The following DPYS variants were observed in gnomAD, a reference collection of about 807,000 sequenced individuals.
The protein encoded by DPYS is dihydropyrimidine amidohydrolase.
DPYS carries 39 observed loss-of-function variants against 50.3 expected under a neutral mutation model. The ratio of observed to expected loss-of-function variants is 0.78; its 90% CI spans 0.60 to 1.01. The LOEUF is 1.01. Among genes scored for constraint, DPYS ranks in the 50% least tolerant of loss-of-function variants. The pLI is 0.00. For missense variants in DPYS, 659 were observed against 680.9 expected, an observed-to-expected ratio of 0.97 and a Z score of 0.36; for synonymous variants, 245 against 250.7, an observed-to-expected ratio of 0.98 and a Z score of 0.22.
intron 7 of DPYS, among the ~76,000 whole-genome samples, chr8:104,407,103 C>T (rs1450932900): frequency 6.6e-6 from 1 of 152,220 alleles, no homozygotes; most frequent in Non-Finnish European, 1.5e-5. Flanking sequence ...CTACTAAACC[C>T]TATGTGAGAA....
chr8:104,428,409 C>T (rs2280010), intron 5 of DPYS, among the ~76,000 whole-genome samples: 29,300 of 152,162 alleles, frequency 0.19, 3,385 homozygotes, highest in South Asian at 0.3. Flanking sequence ...TGAGCTTGTC[C>T]GAGACTCCAT....
At chr8:104,391,501 C>T (rs934777164) in intron 8 of DPYS, among the ~76,000 whole-genome samples, 26 of 152,276 alleles carry the variant, frequency 1.7e-4, no homozygotes, top group African/African-American at 4.8e-4. Flanking sequence ...GCCTCCCCGG[C>T]CCCCATATCC....
At position 104,448,075 on chromosome 8, in the gene DPYS, G is replaced by T. The variant is rs1813601441; in HGVS notation, c.424-572C>A. ...AGGTGACAGCTGGAGACTCCACTCT[G>T]GATCCGTTGGAAGCTCAGAGGCCTT... On this transcript the variant is annotated intron_variant, in intron 2 of 9. Coordinates refer to ENST00000351513, the MANE Select transcript of DPYS (RefSeq NM_001385.3). 2.6e-5 allele frequency among the ~76,000 whole-genome samples: 4 copies of T among 152,308 alleles called. No individual in the cohort carries two copies. In the South Asian group the frequency reaches 8.3e-4, roughly 32 times the overall value.
At position 104,451,442 on chromosome 8, in the gene DPYS, A is replaced by G. The variant is rs1422317395; in HGVS notation, c.265-38T>C. 1.1e-5 allele frequency: 17 copies of G among 1,612,712 alleles called. No individual in the cohort carries two copies. The Admixed American group carries it at 2.8e-4, about 27-fold the overall frequency. On this transcript the variant is annotated intron_variant, in intron 1 of 9. Coordinates refer to ENST00000351513, the MANE Select transcript of DPYS (RefSeq NM_001385.3). ...GAGGTTTTCAACAAATTAGCTATCA[A>G]TTTCCTAGTTAAGTCATTTATCATC...
intron 1 of DPYS, among the ~76,000 whole-genome samples, chr8:104,453,165 C>T (rs758969251): frequency 6.6e-6 from 1 of 152,100 alleles, no homozygotes; most frequent in Non-Finnish European, 1.5e-5. Flanking sequence ...ACTTACTTGG[C>T]CCCACTCCAA....
At chr8:104,412,103 T>C (rs1195313182) in intron 7 of DPYS, among the ~76,000 whole-genome samples, 1 of 152,186 alleles carries the variant, frequency 6.6e-6, no homozygotes, top group Non-Finnish European at 1.5e-5. Flanking sequence ...GTTCTGCAGG[T>C]ACATGAAATC....
chr8:104,444,544 G>C, intron 3 of DPYS, 107 bp from the exon 4 acceptor site: 2 of 1,225,776 alleles, frequency 1.6e-6, no homozygotes, highest in Non-Finnish European at 2.3e-6. Context: ...GATCTGTTAG[G>C]TATAGGGGTG....
intron 7 of DPYS, among the ~76,000 whole-genome samples, chr8:104,422,057 A>G (rs992021023): frequency 2.0e-5 from 3 of 152,178 alleles, no homozygotes; most frequent in Admixed American, 1.3e-4. Flanking sequence ...AGGGAAGACA[A>G]TGCTCTACCC....
In DPYS at chr8:104,435,110, A is replaced by G. The variant is rs1167850638; in HGVS notation, c.794-5409T>C. ...TGAACAATGCATTTCCTAAAAAGCCATTAATGATCCCATATGCCAACACTG... is the reference window on the plus strand; with the variant it reads ...TGAACAATGCATTTCCTAAAAAGCCGTTAATGATCCCATATGCCAACACTG... On this transcript the variant is annotated intron_variant, in intron 4 of 9. Transcript: ENST00000351513. Among the ~76,000 whole-genome samples, 3 of 152,348 alleles carry G rather than the reference A, an allele frequency of 2.0e-5. No individual in the cohort carries two copies. The East Asian group carries it at 5.8e-4, about 29-fold the overall frequency.
At chr8:104,396,571 T>G (rs1811592854) in intron 7 of DPYS, among the ~76,000 whole-genome samples, 1 of 152,176 alleles carries the variant, frequency 6.6e-6, no homozygotes, top group Admixed American at 6.5e-5. Flanking sequence ...GCAAAAACCC[T>G]GACAATTATG....
intron 1 of DPYS, among the ~76,000 whole-genome samples, chr8:104,459,685 A>G (rs1355691): frequency 0.2 from 31,173 of 152,110 alleles, 3,341 homozygotes; most frequent in East Asian, 0.24. Flanking sequence ...CAAATCTGCT[A>G]TAAAGCAAAG....
At chr8:104,445,581 C>T (rs1813497169) in intron 3 of DPYS, among the ~76,000 whole-genome samples, 3 of 151,596 alleles carry the variant, frequency 2.0e-5, no homozygotes, top group Admixed American at 6.6e-5. Flanking sequence ...CAATTAAACT[C>T]ATGGAGATAC....
intron 4 of DPYS, among the ~76,000 whole-genome samples, chr8:104,432,095 C>A (rs1812974975): frequency 6.6e-6 from 1 of 152,190 alleles, no homozygotes; most frequent in Admixed American, 6.5e-5. Flanking sequence ...TTCAACAACT[C>A]TTAGGAGAAA....
At chr8:104,443,273 G>A (rs1406274477) in intron 4 of DPYS, among the ~76,000 whole-genome samples, 1 of 152,030 alleles carries the variant, frequency 6.6e-6, no homozygotes, top group Non-Finnish European at 1.5e-5. Flanking sequence ...TCTTTGCCCA[G>A]TGCTTATCAA....
intron 1 of DPYS, among the ~76,000 whole-genome samples, chr8:104,452,812 G>A (rs915481408): frequency 6.6e-6 from 1 of 152,224 alleles, no homozygotes; most frequent in Non-Finnish European, 1.5e-5. Context: ...CTGCATGCCA[G>A]CCTGGGCAAC....
chr8:104,462,479 T>G (rs930678907), intron 1 of DPYS, among the ~76,000 whole-genome samples: 1 of 152,214 alleles, frequency 6.6e-6, no homozygotes, highest in Admixed American at 6.5e-5. Context: ...CAAAGCAAAG[T>G]GTAATTTCCC....
At position 104,444,350 on chromosome 8, in the gene DPYS, G is replaced by A. The variant is rs372848371; in HGVS notation, c.691C>T (p.Leu231=). Residue 231 remains leucine (L), a synonymous_variant, in exon 4 of 10, where the codon CTG becomes TTG. Coordinates refer to ENST00000351513, the MANE Select transcript of DPYS (RefSeq NM_001385.3). ...GCGCTGGCTATGGTGATGGCTCTCA[G>A]CGTGGCCTCTGCCTCCACTGCCTCT... The part of the protein sequence containing the change: ...RPEAVEAEAT[L]RAITIASAVN... 1.9e-6 allele frequency: 3 copies of A among 1,614,124 alleles called. No individual in the cohort carries two copies. In the African/African-American group the frequency reaches 4.0e-5, roughly 22 times the overall value.
chr8:104,457,284 T>C (rs1229588406), intron 1 of DPYS, among the ~76,000 whole-genome samples: 1 of 152,200 alleles, frequency 6.6e-6, no homozygotes, highest in East Asian at 1.9e-4. Flanking sequence ...AGGGAGCGTC[T>C]ATAGCATGAA....
At chr8:104,436,149 C>T (rs182736154) in intron 4 of DPYS, among the ~76,000 whole-genome samples, 1 of 152,280 alleles carries the variant, frequency 6.6e-6, no homozygotes, top group East Asian at 1.9e-4. Flanking sequence ...ATTCACACAG[C>T]AAGTTCAGGA....
Sources: gnomAD v4.1 joint callset for allele counts (sites outside exome capture counted in the v4.1 genomes callset) on GRCh38, gnomAD v4.1.1 for gene constraint, MANE v1.5 for transcripts, NCBI Gene and HGNC (gene_info 2026-07-23, HGNC 2026-07-21) for gene names.